The following SWAP70 variants were observed in gnomAD, a reference collection of about 807,000 sequenced individuals.
SWAP70 encodes the protein switch-associated protein 70.
Under a neutral mutation model 80.2 loss-of-function variants are expected in SWAP70, and 34 were observed. That is an observed-to-expected ratio of 0.42 (90% confidence interval 0.32 to 0.56). The LOEUF (loss-of-function observed/expected upper bound fraction) is 0.56. Ranked by LOEUF, SWAP70 falls within the 20% of genes least tolerant of loss-of-function variation. The pLI is 0.09. For missense variants in SWAP70, 578 were observed against 690.7 expected, an observed-to-expected ratio of 0.84 and a Z score of 1.83; for synonymous variants, 239 against 238.5, an observed-to-expected ratio of 1.00 and a Z score of -0.02.
At chr11:9,734,432 G>C (rs1413239927) in intron 7 of SWAP70, among the ~76,000 whole-genome samples, 1 of 152,136 alleles carries the variant, frequency 6.6e-6, no homozygotes, top group Non-Finnish European at 1.5e-5. Context: ...GGCATGCCTG[G>C]TGTTAGCAAG....
intron 2 of SWAP70, among the ~76,000 whole-genome samples, chr11:9,700,953 GT>G (rs1850823099): frequency 1.3e-5 from 2 of 152,070 alleles, no homozygotes; most frequent in South Asian, 2.1e-4. Flanking sequence ...TTCCCAGGTT[GT>G]TTTAGGGGTT....
chr11:9,750,209 C>T lies in SWAP70; in HGVS notation c.*239C>T, dbSNP rs1161770744. On this transcript the variant is annotated 3_prime_UTR_variant, in exon 12 of 12. Coordinates refer to ENST00000318950, the MANE Select transcript of SWAP70 (RefSeq NM_015055.4). ...AAAAAAAATTAGCTGAGCGTGGTGG[C>T]GGGCGCCTGTAATCCCAGCTACTTG... 3.4e-5 allele frequency: 9 copies of T among 265,008 alleles called. No individual in the cohort carries two copies. The highest frequency in any genetic ancestry group is 3.0e-4 in the East Asian group (4 of 13,492). The allele number at this position is 265,008 out of a possible 1,614,324, so 16.4% of individuals were successfully genotyped here. A position where few individuals can be genotyped will look rare whatever the true frequency, so the allele number is the denominator to read the frequency against.
intron 1 of SWAP70, among the ~76,000 whole-genome samples, chr11:9,678,527 C>T (rs10219178): frequency 0.9 from 119,040 of 132,704 alleles, 54,582 homozygotes; most frequent in Non-Finnish European, 0.99. Context: ...GAAAATAACA[C>T]GTAAACTCTG....
At chr11:9,726,285 AT>A (rs991354812) in intron 4 of SWAP70, among the ~76,000 whole-genome samples, 3 of 152,122 alleles carry the variant, frequency 2.0e-5, no homozygotes, top group African/African-American at 7.2e-5. Context: ...TACAATTTAT[AT>A]TTTTTTGGTG....
In SWAP70 at chr11:9,688,119, A is replaced by G. The variant is rs1371374925; in HGVS notation, c.100-6027A>G. On this transcript the variant is annotated intron_variant, in intron 1 of 11. Coordinates refer to ENST00000318950, the MANE Select transcript of SWAP70 (RefSeq NM_015055.4). ...TGTGAAGTGAGGAGATAGAAATAGTATATTTTCTAAGATTATTGTTAATAT... is the reference window on the plus strand; with the variant it reads ...TGTGAAGTGAGGAGATAGAAATAGTGTATTTTCTAAGATTATTGTTAATAT... Among the ~76,000 whole-genome samples the G allele has an allele frequency of 3.3e-5, 5 of 152,356 alleles. No homozygotes were observed. The East Asian group carries it at 5.8e-4, about 18-fold the overall frequency.
intron 7 of SWAP70, among the ~76,000 whole-genome samples, chr11:9,735,211 T>C (rs1456059073): frequency 6.6e-6 from 1 of 152,214 alleles, no homozygotes; most frequent in Non-Finnish European, 1.5e-5. Flanking sequence ...TAAGGAAATA[T>C]GAATATACAT....
chr11:9,713,633 A>G lies in SWAP70; in HGVS notation c.408A>G (p.Ser136=). Residue 136 remains serine, a synonymous_variant, in exon 3 of 12, where the codon TCA becomes TCG. Transcript: ENST00000318950. ...ACAAGTATCCATTAATTATTGTGTC[A>G]GAAGAGGTAAGGTGTGGCTTGGGGA... is the stretch of plus-strand genomic sequence containing the variant. The part of the protein sequence containing the change: ...SEDKYPLIIV[S]EEIEYLLKKL... 2 of 1,612,744 alleles carry G rather than the reference A, an allele frequency of 1.2e-6. No individual in the cohort carries two copies. Among genetic ancestry groups the G allele is most frequent in the Non-Finnish European group, 8.5e-7 (1 of 1,179,598 alleles).
chr11:9,744,288 T>C (rs529097279), intron 9 of SWAP70, among the ~76,000 whole-genome samples: 2 of 152,328 alleles, frequency 1.3e-5, no homozygotes, highest in African/African-American at 4.8e-5. Context: ...AAAATTACGA[T>C]TGAAGTTTTT....
At chr11:9,675,346 CGAGAGAGAGAGA>C (rs1184480305) in intron 1 of SWAP70, among the ~76,000 whole-genome samples, 5 of 8,408 alleles carry the variant, frequency 5.9e-4, no homozygotes, top group Admixed American at 4.9e-3. Context: ...AGAGAGGGAG[CGAGAGAGAGAGA>C]GAGAGAGAGA....
At chr11:9,704,615 A>G (rs561371745) in intron 2 of SWAP70, among the ~76,000 whole-genome samples, 1 of 151,622 alleles carries the variant, frequency 6.6e-6, no homozygotes, top group East Asian at 1.9e-4. Flanking sequence ...CTGGTCTCGG[A>G]CTCCTGGCCT....
At chr11:9,713,793 C>G (rs952647536) in intron 3 of SWAP70, among the ~76,000 whole-genome samples, 154 bp downstream of exon 3, 1 of 152,110 alleles carries the variant, frequency 6.6e-6, no homozygotes, top group African/African-American at 2.4e-5. Context: ...TAGAAAAGCT[C>G]CAAATATAGT....
chr11:9,719,692 G>A (rs761119129), intron 3 of SWAP70, among the ~76,000 whole-genome samples: 8 of 152,142 alleles, frequency 5.3e-5, no homozygotes, highest in Admixed American at 6.5e-5. Flanking sequence ...ATTTGAGTTC[G>A]TTCCATAATT....
At chr11:9,734,384 A>G (rs1434274694) in intron 7 of SWAP70, among the ~76,000 whole-genome samples, 2 of 152,198 alleles carry the variant, frequency 1.3e-5, no homozygotes, top group Non-Finnish European at 2.9e-5. Context: ...TCTGCCTTCC[A>G]GGAGCATGTA....
intron 7 of SWAP70, among the ~76,000 whole-genome samples, chr11:9,737,608 A>T (rs1851379725): frequency 6.6e-6 from 1 of 152,174 alleles, no homozygotes. Flanking sequence ...CTCAAATCTC[A>T]TGAATGTGGC....
intron 1 of SWAP70, among the ~76,000 whole-genome samples, chr11:9,678,891 C>G (rs1850534150): frequency 6.6e-6 from 1 of 152,106 alleles, no homozygotes; most frequent in South Asian, 2.1e-4. Flanking sequence ...CAACACAAGC[C>G]TAAGGTAGAT....
intron 1 of SWAP70, among the ~76,000 whole-genome samples, chr11:9,682,990 A>G (rs1336355005): frequency 2.0e-5 from 3 of 152,218 alleles, no homozygotes; most frequent in East Asian, 1.9e-4. Context: ...GCACTTTCTA[A>G]GAAGAAATTA....
intron 6 of SWAP70, 41 bp from the exon 7 acceptor site, chr11:9,732,488 A>G (rs750447931): frequency 5.8e-6 from 9 of 1,552,864 alleles, no homozygotes; most frequent in Non-Finnish European, 7.9e-6. Context: ...AAGAATAAAT[A>G]ATATCTCCCC....
At chr11:9,684,307 C>G (rs1049638673) in intron 1 of SWAP70, among the ~76,000 whole-genome samples, 7 of 152,262 alleles carry the variant, frequency 4.6e-5, no homozygotes, top group African/African-American at 1.7e-4. Context: ...GTCCCAAACT[C>G]CTGACCTCAA....
chr11:9,693,035 A>G (rs1305024938), intron 1 of SWAP70, among the ~76,000 whole-genome samples: 1 of 152,232 alleles, frequency 6.6e-6, no homozygotes, highest in Non-Finnish European at 1.5e-5. Context: ...AAAAATGTTT[A>G]ATCTTAAAAA....
Sources: gnomAD v4.1 joint callset for allele counts (sites outside exome capture counted in the v4.1 genomes callset) on GRCh38, gnomAD v4.1.1 for gene constraint, MANE v1.5 for transcripts, NCBI Gene and HGNC (gene_info 2026-07-23, HGNC 2026-07-21) for gene names.